The following SPHKAP variants were observed in gnomAD, a reference collection of about 807,000 sequenced individuals.
SPHKAP encodes A-kinase anchor protein SPHKAP.
Under a neutral mutation model 137.5 loss-of-function variants are expected in SPHKAP, and 67 were observed. The observed-to-expected ratio is 0.49, with a 90% CI of 0.40 to 0.60. The LOEUF (loss-of-function observed/expected upper bound fraction) is 0.60. Among genes scored for constraint, SPHKAP ranks in the 20% least tolerant of loss-of-function variants. SPHKAP has a pLI of 0.00. For missense variants in SPHKAP, 2,097 were observed against 2,069.3 expected, an observed-to-expected ratio of 1.01 and a Z score of -0.26; for synonymous variants, 813 against 785.3, an observed-to-expected ratio of 1.04 and a Z score of -0.59.
At chr2:228,124,733 AAG>A (rs546336092) in intron 2 of SPHKAP, among the ~76,000 whole-genome samples, 5,453 of 76,918 alleles carry the variant, frequency 0.071, 289 homozygotes, top group African/African-American at 0.16. Flanking sequence ...AAAGTATAAA[AAG>A]AAAAAAGTCT....
intron 3 of SPHKAP, among the ~76,000 whole-genome samples, chr2:228,066,852 C>T (rs1182406951): frequency 6.6e-6 from 1 of 152,170 alleles, no homozygotes; most frequent in East Asian, 1.9e-4. Flanking sequence ...TTTTAGCATT[C>T]ATTTAAACTA....
intron 11 of SPHKAP, among the ~76,000 whole-genome samples, chr2:227,986,544 C>T (rs1170137762): frequency 6.6e-6 from 1 of 152,116 alleles, no homozygotes; most frequent in Non-Finnish European, 1.5e-5. Flanking sequence ...AACCAAATAC[C>T]ACCTGTTCCC....
intron 2 of SPHKAP, among the ~76,000 whole-genome samples, chr2:228,118,740 A>G (rs903964489): frequency 8.5e-5 from 13 of 152,150 alleles, no homozygotes; most frequent in African/African-American, 3.1e-4. Flanking sequence ...TTGGAATGCT[A>G]TTATAAAACA....
At chr2:228,007,856 C>T (rs1694201965) in intron 7 of SPHKAP, among the ~76,000 whole-genome samples, 2 of 152,126 alleles carry the variant, frequency 1.3e-5, no homozygotes, top group South Asian at 4.1e-4. Flanking sequence ...TGGATAGCCA[C>T]ATAGAGAAGA....
chr2:228,177,200 T>G (rs983010574), intron 1 of SPHKAP, among the ~76,000 whole-genome samples: 1 of 152,110 alleles, frequency 6.6e-6, no homozygotes, highest in African/African-American at 2.4e-5. Flanking sequence ...TAAGCCTTTT[T>G]TTTTTTTTCT....
intron 2 of SPHKAP, among the ~76,000 whole-genome samples, chr2:228,124,951 T>A (rs772805904): frequency 3.9e-5 from 6 of 152,144 alleles, no homozygotes; most frequent in Non-Finnish European, 8.8e-5. Flanking sequence ...TACAGCAAAT[T>A]TAAGTCTGTT....
chr2:228,038,223 A>G (rs539795915), intron 3 of SPHKAP, among the ~76,000 whole-genome samples: 43 of 152,262 alleles, frequency 2.8e-4, no homozygotes, highest in African/African-American at 9.1e-4. Context: ...CGTGTGCTGG[A>G]GAAGGGAGTT....
At position 228,020,112 on chromosome 2, in the gene SPHKAP, G is replaced by A; in HGVS notation, c.742C>T (p.Gln248Ter). ...TCCACCTGGGTGGCTCCCTTTAGCT[G>A]TTTACTTTCCAAAACATTGGCTGAG... ...NVSANVLESK[Q>*]LKGATQVEWN... Residue 248 changes from glutamine to a stop codon, truncating the protein, a stop_gained, in exon 7 of 12, where the codon CAG (glutamine) becomes TAG (stop). Coordinates refer to ENST00000392056, the MANE Select transcript of SPHKAP (RefSeq NM_001142644.2). LOFTEE classifies it high-confidence loss of function. 1.2e-6 allele frequency: 2 copies of A among 1,611,466 alleles called. No individual in the cohort carries two copies. The highest frequency in any genetic ancestry group is 1.7e-6 in the Non-Finnish European group (2 of 1,179,354).
At chr2:228,115,796 T>G (rs1698692032) in intron 2 of SPHKAP, among the ~76,000 whole-genome samples, 1 of 152,092 alleles carries the variant, frequency 6.6e-6, no homozygotes, top group African/African-American at 2.4e-5. Flanking sequence ...GGGATTGTTA[T>G]GGTCTGAATG....
intron 1 of SPHKAP, among the ~76,000 whole-genome samples, chr2:228,148,430 G>A (rs1270698049): frequency 1.3e-5 from 2 of 152,166 alleles, no homozygotes; most frequent in African/African-American, 4.8e-5. Context: ...AGCAGGATCG[G>A]GAATTGGCCA....
Position 228,027,504 on chromosome 2 carries a change from T to C in SPHKAP, c.286A>G (p.Ser96Gly). 3 of 1,614,036 alleles carry C rather than the reference T, an allele frequency of 1.9e-6. No individual in the cohort carries two copies. Among genetic ancestry groups the C allele is most frequent in the Non-Finnish European group, 2.5e-6 (3 of 1,179,926 alleles). ...VNLDVNKDEC[S>G]TEHLQQKLVN... ...GTTACCTGTTGCAGGTGCTCTGTGC[T>C]GCATTCATCCTTGTTCACATCAAGA... Residue 96 changes from serine to glycine, a missense_variant, in exon 4 of 12, where the codon AGC (serine) becomes GGC (glycine). Transcript: ENST00000392056.
chr2:228,028,867 G>A (rs1695170017), intron 3 of SPHKAP, among the ~76,000 whole-genome samples: 1 of 152,200 alleles, frequency 6.6e-6, no homozygotes, highest in African/African-American at 2.4e-5. Flanking sequence ...CACATAGTTA[G>A]AAAACTACTA....
chr2:228,077,765 G>T (rs563207552), intron 3 of SPHKAP, among the ~76,000 whole-genome samples: 1 of 152,280 alleles, frequency 6.6e-6, no homozygotes, highest in South Asian at 2.1e-4. Flanking sequence ...TGTTGGGAAG[G>T]CATGATTGGT....
chr2:228,032,029 G>A (rs1295887127), intron 3 of SPHKAP, among the ~76,000 whole-genome samples: 2 of 152,232 alleles, frequency 1.3e-5, no homozygotes, highest in Admixed American at 6.5e-5. Flanking sequence ...AAAGCTGGAC[G>A]GAGAATGACT....
intron 1 of SPHKAP, among the ~76,000 whole-genome samples, chr2:228,172,596 C>T (rs1425125419): frequency 6.6e-6 from 1 of 152,146 alleles, no homozygotes; most frequent in Non-Finnish European, 1.5e-5. Flanking sequence ...CCATTTCAAC[C>T]CTGAGGGTAG....
intron 3 of SPHKAP, among the ~76,000 whole-genome samples, chr2:228,101,932 A>T (rs1339737721): frequency 3.3e-5 from 5 of 152,210 alleles, no homozygotes; most frequent in African/African-American, 1.2e-4. Flanking sequence ...CTCCAGAAAG[A>T]TTATACAACT....
chr2:228,079,028 G>A (rs890997417), intron 3 of SPHKAP, among the ~76,000 whole-genome samples: 9 of 152,104 alleles, frequency 5.9e-5, no homozygotes, highest in African/African-American at 2.2e-4. Flanking sequence ...AACGGCCACA[G>A]CAGTGATCCC....
chr2:228,019,952 G>A lies in SPHKAP; in HGVS notation c.902C>T (p.Pro301Leu). 6.2e-7 allele frequency: 1 copy of A among 1,614,168 alleles called. No individual in the cohort carries two copies. Among genetic ancestry groups the A allele is most frequent in the Middle Eastern group, 1.6e-4 (1 of 6,062 alleles). The change falls in exon 7 of 12, where the codon CCC becomes CTC. Residue 301 changes from proline to leucine, a missense_variant. Transcript: ENST00000392056. ...TKNTALQSLD[P>L]SAKPSQWKRE... ...TTTCCACTGTGATGGCTTGGCTGAGGGATCTAGACTCTGCAAGGCTGTGTT... is the reference window on the plus strand; with the variant it reads ...TTTCCACTGTGATGGCTTGGCTGAGAGATCTAGACTCTGCAAGGCTGTGTT...
At chr2:228,090,714 G>A (rs1697699512) in intron 3 of SPHKAP, among the ~76,000 whole-genome samples, 2 of 152,044 alleles carry the variant, frequency 1.3e-5, no homozygotes, top group Admixed American at 6.6e-5. Context: ...GTGAGTTCAA[G>A]TTCTCACTCA....
Sources: allele counts gnomAD v4.1 joint callset (sites outside exome capture counted in the v4.1 genomes callset), GRCh38; gene constraint gnomAD v4.1.1; transcripts MANE v1.5; gene names NCBI Gene and HGNC (gene_info 2026-07-23, HGNC 2026-07-21).